Variants in LEPR observed in about 807,000 individuals in gnomAD.
LEPR encodes leptin receptor.
Under a neutral mutation model 114.7 loss-of-function variants are expected in LEPR, and 56 were observed. The ratio of observed to expected loss-of-function variants is 0.49; its 90% CI spans 0.39 to 0.61. LEPR has a LOEUF of 0.61. Ranked by LOEUF, LEPR falls within the 20% of genes least tolerant of loss-of-function variation. The pLI is 0.00. For synonymous variants in LEPR, 443 were observed against 461.4 expected (o/e 0.96, Z 0.51); for missense variants, 1,202 against 1,352.9 (o/e 0.89, Z 1.75).
intron 2 of LEPR, among the ~76,000 whole-genome samples, chr1:65,533,125 TG>T (rs1650520181): frequency 6.6e-6 from 1 of 152,180 alleles, no homozygotes; most frequent in Non-Finnish European, 1.5e-5. Context: ...ATGAAGTTCC[TG>T]TGAAAAACAT....
rs1465011978 is a variant in LEPR at position 65,565,583 on chromosome 1, C to A, written c.18C>A (p.Phe6Leu). Residue 6 changes from phenylalanine to leucine, a missense_variant, in exon 3 of 20, where the codon TTC (phenylalanine) becomes TTA (leucine). Transcript: ENST00000349533. Reference protein sequence around the residue: MICQKFCVVLLHWEFI... With the variant: MICQKLCVVLLHWEFI... ...GAAGTAAGATGATTTGTCAAAAATT[C>A]TGTGTGGTTTTGTTACATTGGGGTA... is the stretch of plus-strand genomic sequence containing the variant. The A allele has an allele frequency of 3.7e-6, 6 of 1,613,876 alleles. No individual in the cohort carries two copies. Among genetic ancestry groups the A allele is most frequent in the Non-Finnish European group, 8.5e-7 (1 of 1,179,942 alleles).
intron 19 of LEPR, among the ~76,000 whole-genome samples, chr1:65,627,563 T>C (rs1041520493): frequency 1.3e-5 from 2 of 152,148 alleles, no homozygotes; most frequent in African/African-American, 4.8e-5. Context: ...CTTCAAAAGG[T>C]TAAACATAGA....
At chr1:65,453,875 A>C (rs562517518) in intron 2 of LEPR, among the ~76,000 whole-genome samples, 3,251 of 151,472 alleles carry the variant, frequency 0.021, 132 homozygotes, top group African/African-American at 0.075. Flanking sequence ...TAATGTTGAC[A>C]GTGGGGTGTT....
At chr1:65,480,604 C>T (rs373358475) in intron 2 of LEPR, among the ~76,000 whole-genome samples, 264 of 152,188 alleles carry the variant, frequency 1.7e-3, no homozygotes, top group Admixed American at 3.7e-3. Context: ...TACTGGAAGT[C>T]GCTAAGGCAG....
chr1:65,532,759 A>G (rs2100627157), intron 2 of LEPR, among the ~76,000 whole-genome samples: 1 of 152,294 alleles, frequency 6.6e-6, no homozygotes, highest in Non-Finnish European at 1.5e-5. Flanking sequence ...TATTTATATG[A>G]ACTGTCCAGA....
intron 18 of LEPR, among the ~76,000 whole-genome samples, chr1:65,622,501 G>A (rs7549647): frequency 0.21 from 31,953 of 152,036 alleles, 4,524 homozygotes; most frequent in East Asian, 0.77. Context: ...AGAAACCATC[G>A]TCTTCAGGCA....
intron 5 of LEPR, among the ~76,000 whole-genome samples, chr1:65,582,983 G>A (rs1655092730): frequency 6.6e-6 from 1 of 152,154 alleles, no homozygotes; most frequent in African/African-American, 2.4e-5. Flanking sequence ...CTCTGGCCAC[G>A]AGGGAATAAG....
At chr1:65,548,962 A>G (rs535087090) in intron 2 of LEPR, among the ~76,000 whole-genome samples, 1 of 152,208 alleles carries the variant, frequency 6.6e-6, no homozygotes, top group Admixed American at 6.5e-5. Context: ...GTTCCTTTCC[A>G]TGTTTAGTGC....
rs1376323752 is a variant in LEPR at position 65,640,997 on chromosome 1, A to G, written c.*3982A>G. On this transcript the variant is annotated 3_prime_UTR_variant, in exon 20 of 20. Coordinates refer to ENST00000349533, the MANE Select transcript of LEPR (RefSeq NM_002303.6). Reference sequence around the variant, plus strand: ...TGCCCTGTTGGCCAGGCTGGTCTTGAACTCCTGACCTCAAGTGATCCGCCC... The same window carrying G: ...TGCCCTGTTGGCCAGGCTGGTCTTGGACTCCTGACCTCAAGTGATCCGCCC... 3 of 152,058 alleles carry G rather than the reference A, an allele frequency of 2.0e-5. No individual in the cohort carries two copies. Among genetic ancestry groups the G allele is most frequent in the Non-Finnish European group, 4.4e-5 (3 of 68,048 alleles). The allele number at this position is 152,058 out of a possible 1,614,324, so 9.4% of individuals were successfully genotyped here. A position where few individuals can be genotyped will look rare whatever the true frequency, so the allele number is the denominator to read the frequency against.
At chr1:65,493,271 T>C (rs1365163138) in intron 2 of LEPR, among the ~76,000 whole-genome samples, 1 of 152,178 alleles carries the variant, frequency 6.6e-6, no homozygotes. Flanking sequence ...GTTCTATTTT[T>C]ACTGCAACTC....
intron 2 of LEPR, among the ~76,000 whole-genome samples, chr1:65,462,095 A>G (rs556529168): frequency 3.9e-5 from 6 of 152,102 alleles, no homozygotes; most frequent in Middle Eastern, 3.4e-3. Context: ...GCACCCATCA[A>G]CTCGTCATTT....
chr1:65,536,428 T>A (rs1650781858), intron 2 of LEPR, among the ~76,000 whole-genome samples: 1 of 152,170 alleles, frequency 6.6e-6, no homozygotes, highest in African/African-American at 2.4e-5. Context: ...ACCTTTTTTC[T>A]TCATAAATTA....
chr1:65,508,226 C>T (rs139308821), intron 2 of LEPR, among the ~76,000 whole-genome samples: 61 of 152,090 alleles, frequency 4.0e-4, no homozygotes, highest in Non-Finnish European at 7.4e-4. Context: ...CTTTTATTGC[C>T]TGTGGTTTTG....
At chr1:65,590,039 C>T (rs555826820) in intron 5 of LEPR, among the ~76,000 whole-genome samples, 1 of 151,812 alleles carries the variant, frequency 6.6e-6, no homozygotes, top group Non-Finnish European at 1.5e-5. Context: ...CATATTGAGT[C>T]TTCTGACCCA....
At chr1:65,477,860 T>C (rs1647176382) in intron 2 of LEPR, among the ~76,000 whole-genome samples, 1 of 152,256 alleles carries the variant, frequency 6.6e-6, no homozygotes, top group Admixed American at 6.5e-5. Flanking sequence ...AGCAGAGTAC[T>C]GCTTTCAGTG....
rs180766992 is a variant in LEPR, at chr1:65,465,343, G to A, written c.-21+39965G>A. Among the ~76,000 whole-genome samples, 51 of 152,338 alleles carry A rather than the reference G, an allele frequency of 3.3e-4. No individual in the cohort carries two copies. In the East Asian group the frequency reaches 8.5e-3, roughly 25 times the overall value. ...CATGTAGTTGTGTGGTTTTGAGTGA[G>A]TTTCTTAATCCTGAGTTCTAATTTT... On this transcript the variant is annotated intron_variant, in intron 2 of 19. Transcript: ENST00000349533.
At chr1:65,550,346 C>G in intron 2 of LEPR, among the ~76,000 whole-genome samples, 1 of 152,218 alleles carries the variant, frequency 6.6e-6, no homozygotes, top group Non-Finnish European at 1.5e-5. Context: ...CTCTTCAACG[C>G]TGTCAGACAG....
intron 2 of LEPR, among the ~76,000 whole-genome samples, chr1:65,503,989 G>T (rs988856831): frequency 3.3e-5 from 5 of 152,120 alleles, no homozygotes; most frequent in African/African-American, 1.2e-4. Flanking sequence ...GGAGCATGTT[G>T]TAGTTTCTTA....
intron 3 of LEPR, among the ~76,000 whole-genome samples, 187 bp downstream of exon 3, chr1:65,565,792 C>T (rs1442007136): frequency 6.6e-6 from 1 of 151,960 alleles, no homozygotes; most frequent in Non-Finnish European, 1.5e-5. Flanking sequence ...AAACCCTTCC[C>T]AACCTCCTAA....
Sources: allele counts gnomAD v4.1 joint callset (sites outside exome capture counted in the v4.1 genomes callset), GRCh38; gene constraint gnomAD v4.1.1; transcripts MANE v1.5; gene names NCBI Gene and HGNC (gene_info 2026-07-23, HGNC 2026-07-21).